EHHADH: variants seen among roughly 807,000 people sequenced by gnomAD.
EHHADH encodes the protein enoyl-CoA hydratase and 3-hydroxyacyl CoA dehydrogenase, also known as peroxisomal bifunctional enzyme.
EHHADH carries 48 observed loss-of-function variants against 64.4 expected under a neutral mutation model. The observed-to-expected ratio is 0.75, with a 90% CI of 0.59 to 0.95. The LOEUF (loss-of-function observed/expected upper bound fraction) is 0.95. EHHADH is among the 40% of genes least tolerant of loss of function. EHHADH has a pLI of 0.00. For missense variants in EHHADH, 854 were observed against 876.6 expected (o/e 0.97, Z 0.33); for synonymous variants, 308 against 326.7 (o/e 0.94, Z 0.62).
In EHHADH at chr3:185,224,501, CAA is replaced by C. The variant is rs757023353; in HGVS notation, c.463+4929_463+4930del. Among the ~76,000 whole-genome samples the C allele has an allele frequency of 5.7e-3, 295 of 51,566 alleles. 1 individual carries two copies. Among genetic ancestry groups the C allele is most frequent in the African/African-American group, 0.018 (266 of 15,164 alleles). 33.8% of individuals were successfully genotyped at this position (51,566 alleles called of 152,430 possible). A position where few individuals can be genotyped will look rare whatever the true frequency, so the allele number is the denominator to read the frequency against. On this transcript the variant is annotated intron_variant, in intron 4 of 6. Transcript: ENST00000231887. ...GGGAGACAGAATGAGACCCTGTCAC[CAA>C]AAAAAAAAAAAAAAAAAAAAAGAAA...
chr3:185,217,822 T>C (rs1002083554), intron 5 of EHHADH, among the ~76,000 whole-genome samples: 2 of 150,816 alleles, frequency 1.3e-5, no homozygotes, highest in Non-Finnish European at 3.0e-5. Context: ...TGGAGTGCAG[T>C]GGCGCGATCT....
intron 4 of EHHADH, among the ~76,000 whole-genome samples, chr3:185,223,430 G>A (rs1197992550): frequency 6.6e-6 from 1 of 151,860 alleles, no homozygotes; most frequent in Middle Eastern, 3.2e-3. Context: ...GCAGACTGAC[G>A]TTTATGTTTC....
chr3:185,220,879 C>T lies in EHHADH; in HGVS notation c.464-2639G>A, dbSNP rs547075494. On this transcript the variant is annotated intron_variant, in intron 4 of 6. Transcript: ENST00000231887. ...AATTTTTTTCCACATGGAACTCTTT[C>T]CAAATGTCATATTCAAGTTTTCCTA... 6.0e-4 allele frequency among the ~76,000 whole-genome samples: 92 copies of T among 152,250 alleles called. No homozygotes were observed. In the Middle Eastern group the frequency reaches 0.014, roughly 23 times the overall value.
intron 1 of EHHADH, 80 bp downstream of exon 1, chr3:185,253,869 G>C (rs1034182567): frequency 4.6e-5 from 72 of 1,578,598 alleles, no homozygotes; most frequent in Non-Finnish European, 5.1e-5. Context: ...TAAACCGACG[G>C]GGGAGAGTCA....
intron 5 of EHHADH, among the ~76,000 whole-genome samples, chr3:185,207,530 C>G (rs1014730498): frequency 6.6e-6 from 1 of 152,152 alleles, no homozygotes; most frequent in Non-Finnish European, 1.5e-5. Flanking sequence ...TCTCTAGAAG[C>G]TGGGATTGAC....
At position 185,235,317 on chromosome 3, in the gene EHHADH, G is replaced by A; in HGVS notation, c.324C>T (p.Gly108=). ...AFGGGLELAL[G]CHYRIAHAEA... is the part of the protein sequence containing the mutation. The stretch of plus-strand genomic sequence containing the variant: ...CTGCGTGGGCAATCCTATAGTGACA[G>A]CCCAGGGCCAGCTCTAGTCCCCCTC... Residue 108 remains glycine (G), a synonymous_variant, in exon 3 of 7, where the codon GGC becomes GGT. Transcript: ENST00000231887. 1 of 1,613,532 alleles carries A rather than the reference G, an allele frequency of 6.2e-7. No homozygotes were observed. The highest frequency in any genetic ancestry group is 8.5e-7 in the Non-Finnish European group (1 of 1,179,778).
At chr3:185,251,030 G>A (rs12696543) in intron 1 of EHHADH, among the ~76,000 whole-genome samples, 120,587 of 152,076 alleles carry the variant, frequency 0.79, 48,606 homozygotes, top group Non-Finnish European at 0.87. Context: ...TAACAGATAC[G>A]CACTTTACTA....
intron 6 of EHHADH, 125 bp downstream of exon 6, chr3:185,204,291 G>A: frequency 1.2e-6 from 1 of 845,104 alleles, no homozygotes; most frequent in Non-Finnish European, 1.8e-6. Flanking sequence ...GGTGGTGTGA[G>A]AATTAGCTTA....
chr3:185,217,171 G>A (rs1375325273), intron 5 of EHHADH, among the ~76,000 whole-genome samples: 1 of 152,170 alleles, frequency 6.6e-6, no homozygotes, highest in East Asian at 1.9e-4. Context: ...GGTCATGGGA[G>A]CTGATCCCTC....
rs1717913914 is a variant in EHHADH at position 185,192,599 on chromosome 3, AG to A, written c.1798del (p.Leu600TyrfsTer40). The stretch of plus-strand genomic sequence containing the variant: ...GTGATGGGTTTTTCTATACCGTGAT[AG>A]GAATTTGGAAAGCCAGGGATCAGGT... ...HKPDPWLSKFLSRYRKTHHIE... is the reference protein window; with the variant it reads ...HKPDPWLSKFXSRYRKTHHIE... On this transcript the variant is annotated frameshift_variant, in exon 7 of 7. Coordinates refer to ENST00000231887, the MANE Select transcript of EHHADH (RefSeq NM_001966.4). LOFTEE classifies it high-confidence loss of function. 6.2e-7 allele frequency: 1 copy of A among 1,614,234 alleles called. No individual in the cohort carries two copies. Among genetic ancestry groups the A allele is most frequent in the Non-Finnish European group, 8.5e-7 (1 of 1,180,048 alleles).
chr3:185,197,600 C>G (rs1296043065), intron 6 of EHHADH, among the ~76,000 whole-genome samples: 2 of 152,158 alleles, frequency 1.3e-5, no homozygotes, highest in Non-Finnish European at 2.9e-5. Context: ...TCATGGTTCA[C>G]CCATGTTGTA....
At chr3:185,209,159 AGAAAT>A (rs1425871804) in intron 5 of EHHADH, among the ~76,000 whole-genome samples, 2 of 152,238 alleles carry the variant, frequency 1.3e-5, no homozygotes, top group Non-Finnish European at 2.9e-5. Context: ...AAGTGTATCT[AGAAAT>A]GAATTTATCA....
At chr3:185,228,273 T>C (rs371323301) in intron 4 of EHHADH, among the ~76,000 whole-genome samples, 1 of 57,066 alleles carries the variant, frequency 1.8e-5, no homozygotes, top group Non-Finnish European at 5.5e-5. Flanking sequence ...TATATATATA[T>C]ATATATGGAG....
In EHHADH at chr3:185,191,697, A is replaced by C. The variant is rs1717874246; in HGVS notation, c.*529T>G. 1 of 154,640 alleles carries C rather than the reference A, an allele frequency of 6.5e-6. No homozygotes were observed. Among genetic ancestry groups the C allele is most frequent in the Non-Finnish European group, 1.4e-5 (1 of 69,918 alleles). The allele number at this position is 154,640 out of a possible 1,614,324, so 9.6% of individuals were successfully genotyped here. A position where few individuals can be genotyped will look rare whatever the true frequency, so the allele number is the denominator to read the frequency against. ...TTTCTCCATAAACAGAAGAGGAAAG[A>C]CCAGAAGAGGAAAGGCTTGCCACAC... On this transcript the variant is annotated 3_prime_UTR_variant, in exon 7 of 7. Coordinates refer to ENST00000231887, the MANE Select transcript of EHHADH (RefSeq NM_001966.4).
chr3:185,229,399 A>G (rs778395922), intron 4 of EHHADH, 33 bp downstream of exon 4: 1 of 1,322,668 alleles, frequency 7.6e-7, no homozygotes, highest in African/African-American at 1.5e-5. Flanking sequence ...CTTCACACTA[A>G]TCTAGACAGT....
intron 6 of EHHADH, among the ~76,000 whole-genome samples, chr3:185,202,534 A>G (rs1718258644): frequency 6.6e-6 from 1 of 152,148 alleles, no homozygotes; most frequent in South Asian, 2.1e-4. Flanking sequence ...AGGGGTCGCC[A>G]ACCTCTGGCT....
chr3:185,209,712 A>G (rs1227828377), intron 5 of EHHADH, among the ~76,000 whole-genome samples: 15 of 152,218 alleles, frequency 9.9e-5, no homozygotes, highest in African/African-American at 3.6e-4. Context: ...CCTCCTTTTT[A>G]AATCAAAGAG....
At chr3:185,243,742 T>G (rs1363525786) in intron 2 of EHHADH, among the ~76,000 whole-genome samples, 1 of 152,206 alleles carries the variant, frequency 6.6e-6, no homozygotes, top group South Asian at 2.1e-4. Flanking sequence ...AGATTTGATT[T>G]ATGGCCAAGC....
At chr3:185,197,151 T>C (rs1718085273) in intron 6 of EHHADH, among the ~76,000 whole-genome samples, 1 of 152,116 alleles carries the variant, frequency 6.6e-6, no homozygotes, top group African/African-American at 2.4e-5. Context: ...GAGTGACTGT[T>C]GATGGGTAGA....
Sources: allele counts gnomAD v4.1 joint callset (sites outside exome capture counted in the v4.1 genomes callset), GRCh38; gene constraint gnomAD v4.1.1; transcripts MANE v1.5; gene names NCBI Gene and HGNC (gene_info 2026-07-23, HGNC 2026-07-21).